PEX14: variants seen among roughly 807,000 people sequenced by gnomAD.
PEX14 encodes peroxisomal biogenesis factor 14, also known as peroxisomal membrane protein PEX14.
In PEX14, 15 loss-of-function variants were observed where a neutral mutation model predicts 49.5. The observed-to-expected ratio is 0.30, with a 90% CI of 0.20 to 0.47. The LOEUF is 0.47. Among genes scored for constraint, PEX14 ranks in the 20% least tolerant of loss-of-function variants. PEX14 has a pLI of 1.00. For synonymous variants in PEX14, 210 were observed against 212.7 expected, an observed-to-expected ratio of 0.99 and a Z score of 0.11; for missense variants, 398 against 494.8, an observed-to-expected ratio of 0.80 and a Z score of 1.86.
chr1:10,606,503 G>T lies in PEX14; in HGVS notation c.298+7137G>T, dbSNP rs72857087. Among the ~76,000 whole-genome samples, 593 of 151,542 alleles carry T rather than the reference G, an allele frequency of 3.9e-3. 4 individuals carry two copies. Among genetic ancestry groups the T allele is most frequent in the African/African-American group, 0.014 (567 of 41,016 alleles). On this transcript the variant is annotated intron_variant, in intron 4 of 8. Transcript: ENST00000356607. ...TTTCCATATCCCATAGGAGGTTTGA[G>T]TTCTGATAAATACTGGGTTTAGGAT... is the stretch of plus-strand genomic sequence containing the variant.
chr1:10,629,173 C>T lies in PEX14; in HGVS notation c.678-358C>T, dbSNP rs1281722869. ...CCTCACCAACCTGTCTCTCTCCTGG[C>T]CACTGGGTTGGAGGCAGGGATGGTG... On this transcript the variant is annotated intron_variant, in intron 8 of 8. Coordinates refer to ENST00000356607, the MANE Select transcript of PEX14 (RefSeq NM_004565.3). This position sits in a 1 kb window ranked among gnomAD's most constrained non-coding sequence, Gnocchi z 8.5. Among the ~76,000 whole-genome samples the T allele has an allele frequency of 6.6e-6, 1 of 152,204 alleles. No homozygotes were observed. Among genetic ancestry groups the T allele is most frequent in the African/African-American group, 2.4e-5 (1 of 41,454 alleles).
chr1:10,498,966 G>C (rs1641619253), intron 2 of PEX14, among the ~76,000 whole-genome samples: 1 of 152,178 alleles, frequency 6.6e-6, no homozygotes, highest in South Asian at 2.1e-4. Context: ...CCTGTCCTTA[G>C]GCCCACACAG....
chr1:10,621,969 C>T (rs1641608958), intron 5 of PEX14, among the ~76,000 whole-genome samples: 1 of 152,162 alleles, frequency 6.6e-6, no homozygotes, highest in Non-Finnish European at 1.5e-5. Flanking sequence ...TCCTGCCAGG[C>T]TTGCACTGCA....
Position 10,586,593 on chromosome 1 carries a change from C to T in PEX14, c.170-12645C>T, listed in dbSNP as rs1220772247. 8.9e-5 allele frequency among the ~76,000 whole-genome samples: 13 copies of T among 145,486 alleles called. No individual in the cohort carries two copies. In the South Asian group the frequency reaches 2.4e-3, roughly 27 times the overall value. ...GCTATGTGTAACAACAAGGATGACT[C>T]GCAAGCATAATGTTGAACAAAAGGA... On this transcript the variant is annotated intron_variant, in intron 3 of 8. Coordinates refer to ENST00000356607, the MANE Select transcript of PEX14 (RefSeq NM_004565.3).
intron 2 of PEX14, among the ~76,000 whole-genome samples, chr1:10,508,859 A>G (rs565955553): frequency 1.8e-4 from 27 of 152,162 alleles, no homozygotes; most frequent in Middle Eastern, 3.5e-3. Context: ...TCATCTGAAG[A>G]TCCCAGGGTA....
rs1409919471 is a variant in PEX14, at chr1:10,529,594, T to C, written c.85-6619T>C. 6.6e-6 allele frequency among the ~76,000 whole-genome samples: 1 copy of C among 152,244 alleles called. No homozygotes were observed. The highest frequency in any genetic ancestry group is 6.5e-5 in the Admixed American group (1 of 15,286). ...AGGGAAAAAAAATAAATGGCAGAGA[T>C]ATTTCACTTTGAAAGGTAGTTTTTG... is the stretch of plus-strand genomic sequence containing the variant. On this transcript the variant is annotated intron_variant, in intron 2 of 8. Coordinates refer to ENST00000356607, the MANE Select transcript of PEX14 (RefSeq NM_004565.3). The surrounding 1 kb of genome is among the most constrained non-coding windows in gnomAD (Gnocchi z 4.2).
At chr1:10,519,489 G>A (rs1642029617) in intron 2 of PEX14, among the ~76,000 whole-genome samples, 1 of 152,200 alleles carries the variant, frequency 6.6e-6, no homozygotes. Context: ...CTGTCTCAGG[G>A]AATGGTGCGC....
intron 4 of PEX14, among the ~76,000 whole-genome samples, chr1:10,606,162 T>C (rs1641119663): frequency 6.6e-6 from 1 of 152,190 alleles, no homozygotes; most frequent in African/African-American, 2.4e-5. Context: ...ATTACATAAA[T>C]GTAGGCAGCC....
At chr1:10,570,219 GT>G (rs1557850553) in intron 3 of PEX14, among the ~76,000 whole-genome samples, 1 of 151,862 alleles carries the variant, frequency 6.6e-6, no homozygotes, top group Non-Finnish European at 1.5e-5. Context: ...TTCTGTGTGT[GT>G]TCCCTTTTTT....
At chr1:10,587,271 A>G (rs1570312406) in intron 3 of PEX14, among the ~76,000 whole-genome samples, 1 of 152,158 alleles carries the variant, frequency 6.6e-6, no homozygotes, top group African/African-American at 2.4e-5. Flanking sequence ...AGCCTGGCCA[A>G]CATAGTGAAA....
intron 2 of PEX14, among the ~76,000 whole-genome samples, chr1:10,501,453 C>A (rs1641676665): frequency 6.6e-6 from 1 of 152,140 alleles, no homozygotes; most frequent in Non-Finnish European, 1.5e-5. Flanking sequence ...CTACAGGCGC[C>A]CGCCACCTCG....
chr1:10,521,859 A>G (rs1248353927), intron 2 of PEX14, among the ~76,000 whole-genome samples: 1 of 152,220 alleles, frequency 6.6e-6, no homozygotes, highest in African/African-American at 2.4e-5. Context: ...TTCCTGGGAA[A>G]GAAGGATGCT....
At chr1:10,557,173 C>T (rs1190183737) in intron 3 of PEX14, among the ~76,000 whole-genome samples, 1 of 152,058 alleles carries the variant, frequency 6.6e-6, no homozygotes, top group Non-Finnish European at 1.5e-5. Context: ...AAATATATGC[C>T]ATAATTTATT....
chr1:10,554,259 G>A (rs538517106), intron 3 of PEX14, among the ~76,000 whole-genome samples: 304 of 144,744 alleles, frequency 2.1e-3, no homozygotes, highest in African/African-American at 7.2e-3. Context: ...AGCCGAGATC[G>A]CACCACTGCA....
intron 8 of PEX14, 117 bp downstream of exon 8, chr1:10,627,480 G>A (rs1306299290): frequency 9.4e-6 from 7 of 748,598 alleles, no homozygotes; most frequent in African/African-American, 3.5e-5. Flanking sequence ...CATCTGTCTG[G>A]GCGACTCAGG....
At chr1:10,552,876 G>A (rs1456028391) in intron 3 of PEX14, among the ~76,000 whole-genome samples, 1 of 152,194 alleles carries the variant, frequency 6.6e-6, no homozygotes, top group African/African-American at 2.4e-5. Context: ...AAGAGGATTA[G>A]TTGTTTTTAA....
At chr1:10,553,960 G>T (rs1431408875) in intron 3 of PEX14, among the ~76,000 whole-genome samples, 1 of 152,024 alleles carries the variant, frequency 6.6e-6, no homozygotes, top group Non-Finnish European at 1.5e-5. Flanking sequence ...GGTCTTTGTG[G>T]TACCTTTACT....
intron 3 of PEX14, among the ~76,000 whole-genome samples, chr1:10,559,995 G>T (rs1639605814): frequency 6.6e-6 from 1 of 152,004 alleles, no homozygotes; most frequent in Non-Finnish European, 1.5e-5. Context: ...AGTTCCCATT[G>T]CTCCTAGGAT....
At chr1:10,570,212 T>C (rs532375276) in intron 3 of PEX14, among the ~76,000 whole-genome samples, 4 of 152,340 alleles carry the variant, frequency 2.6e-5, no homozygotes, top group Admixed American at 2.6e-4. Context: ...CTTTCTTTTC[T>C]GTGTGTGTTC....
Sources: gnomAD v4.1 joint callset for allele counts (sites outside exome capture counted in the v4.1 genomes callset) on GRCh38, gnomAD v4.1.1 for gene constraint, Gnocchi (gnomAD v3.1) non-coding constraint, MANE v1.5 for transcripts, NCBI Gene and HGNC (gene_info 2026-07-23, HGNC 2026-07-21) for gene names.